CDH2: variants seen among roughly 807,000 people sequenced by gnomAD.
CDH2 encodes cadherin 2.
Under a neutral mutation model 92.0 loss-of-function variants are expected in CDH2, and 17 were observed. The ratio of observed to expected loss-of-function variants is 0.18; its 90% CI spans 0.13 to 0.28. The LOEUF (loss-of-function observed/expected upper bound fraction) is 0.28. Ranked by LOEUF, CDH2 falls within the 10% of genes least tolerant of loss-of-function variation. CDH2 has a pLI of 1.00. For synonymous variants in CDH2, 419 were observed against 415.9 expected, an observed-to-expected ratio of 1.01 and a Z score of -0.09; for missense variants, 862 against 1,133.1, an observed-to-expected ratio of 0.76 and a Z score of 3.44.
chr18:28,009,696 A>T (rs562953344), intron 5 of CDH2, 21 bp downstream of exon 5: 4 of 1,611,548 alleles, frequency 2.5e-6, no homozygotes, highest in East Asian at 2.2e-5. Flanking sequence ...ACACAGAATT[A>T]TCAGCTGGTT....
At chr18:28,115,479 G>A (rs2015481734) in intron 2 of CDH2, among the ~76,000 whole-genome samples, 1 of 152,058 alleles carries the variant, frequency 6.6e-6, no homozygotes, top group African/African-American at 2.4e-5. Context: ...ATCAAACATG[G>A]GCCAGGGCAA....
chr18:28,011,963 G>T lies in CDH2; in HGVS notation c.429C>A (p.Phe143Leu), dbSNP rs1036764661. 6.2e-7 allele frequency: 1 copy of T among 1,613,764 alleles called. No individual in the cohort carries two copies. The highest frequency in any genetic ancestry group is 8.5e-7 in the Non-Finnish European group (1 of 1,179,806). Residue 143 changes from phenylalanine (F) to leucine (L), a missense_variant, in exon 4 of 16, where the codon TTC becomes TTA. Around this residue, in one of 5 missense-constraint regions of CDH2, gnomAD observed 159 missense variants for 177.2 expected, o/e 0.90. Transcript: ENST00000269141. ...CACTGTGCTTACTGAATTGTCTTGG[G>T]AACACTATTTCTTCAACTTCTGCTG... ...KESAEVEEIVFPRQFSKHSGH... is the reference protein window; with the variant it reads ...KESAEVEEIVLPRQFSKHSGH...
intron 1 of CDH2, among the ~76,000 whole-genome samples, chr18:28,169,153 C>T (rs980970858): frequency 6.6e-6 from 1 of 152,126 alleles, no homozygotes; most frequent in African/African-American, 2.4e-5. Flanking sequence ...TTGAAAAACT[C>T]TTTAAAGAGG....
intron 11 of CDH2, among the ~76,000 whole-genome samples, chr18:27,986,001 A>G (rs991689449): frequency 2.0e-5 from 3 of 152,090 alleles, no homozygotes; most frequent in Admixed American, 2.0e-4. Context: ...GTGACGAAGA[A>G]TGCCCCTGTG....
At chr18:28,037,605 A>C (rs1364979227) in intron 2 of CDH2, among the ~76,000 whole-genome samples, 1 of 152,196 alleles carries the variant, frequency 6.6e-6, no homozygotes, top group Non-Finnish European at 1.5e-5. Flanking sequence ...CCAGAGCAGA[A>C]GAAAGGAGGC....
chr18:28,166,281 A>T (rs2016384200), intron 1 of CDH2, among the ~76,000 whole-genome samples: 2 of 151,226 alleles, frequency 1.3e-5, no homozygotes, highest in African/African-American at 4.9e-5. Flanking sequence ...TGTCTTTCCA[A>T]ATGCTTTATT....
At chr18:28,164,561 A>T (rs562268337) in intron 1 of CDH2, among the ~76,000 whole-genome samples, 6 of 152,234 alleles carry the variant, frequency 3.9e-5, no homozygotes, top group African/African-American at 1.4e-4. Context: ...ATATGGTACC[A>T]TTACACTCAA....
chr18:28,036,627 G>T, intron 2 of CDH2: 1 of 1,000,962 alleles, frequency 1.0e-6, no homozygotes, highest in Non-Finnish European at 1.5e-6. Context: ...TGAAAGCAGG[G>T]ATAAAGTTCT....
chr18:28,078,158 A>G (rs369562207), intron 2 of CDH2, among the ~76,000 whole-genome samples: 2 of 152,092 alleles, frequency 1.3e-5, no homozygotes, highest in African/African-American at 4.8e-5. Context: ...ATGAAAATGA[A>G]GTTCAAAGTT....
At chr18:28,053,149 A>C (rs1465108195) in intron 2 of CDH2, among the ~76,000 whole-genome samples, 2 of 152,134 alleles carry the variant, frequency 1.3e-5, no homozygotes, top group African/African-American at 4.8e-5. Context: ...ACTATGAGAA[A>C]TAAATTTCTG....
intron 1 of CDH2, among the ~76,000 whole-genome samples, chr18:28,158,270 C>G (rs1191235660): frequency 5.3e-5 from 8 of 152,234 alleles, no homozygotes; most frequent in African/African-American, 1.9e-4. Context: ...CGCCAGAGTT[C>G]AAAGCCTTTC....
chr18:27,934,728 T>G (rs1448409571), intron 6 of CDH2, among the ~76,000 whole-genome samples: 1 of 152,068 alleles, frequency 6.6e-6, no homozygotes. Flanking sequence ...ACTAATCAAT[T>G]AACTAATTTG....
In CDH2 at chr18:28,125,826, T is replaced by C. The variant is rs534319950; in HGVS notation, c.172+21847A>G. On this transcript the variant is annotated intron_variant, in intron 2 of 15. Transcript: ENST00000269141. ...GTTTCATTTACAATCCAGAGATCAG[T>C]ACTCCTGATTACAAAATGCGTTAAG... 4.0e-5 allele frequency among the ~76,000 whole-genome samples: 6 copies of C among 150,436 alleles called. No homozygotes were observed. In the East Asian group the frequency reaches 7.7e-4, roughly 19 times the overall value.
rs201850079 is a variant in CDH2 at position 27,988,587 on chromosome 18, C to T, written c.1678G>A (p.Asp560Asn). 2 of 1,611,298 alleles carry T rather than the reference C, an allele frequency of 1.2e-6. No individual in the cohort carries two copies. Among genetic ancestry groups the T allele is most frequent in the Middle Eastern group, 1.6e-4 (1 of 6,074 alleles). ...NGQITTIAVL[D>N]RESPNVKNNI... ...TTTTTCACATTTGGTGATTCTCGGT[C>T]CAAAACAGCAATTGTAGTTATTTGT... is the stretch of plus-strand genomic sequence containing the variant. Residue 560 changes from aspartate (D) to asparagine (N), a missense_variant, in exon 11 of 16, where the codon GAC (aspartate) becomes AAC (asparagine). Transcript: ENST00000269141.
chr18:28,043,111 C>G (rs1380708612), intron 2 of CDH2, among the ~76,000 whole-genome samples: 1 of 152,030 alleles, frequency 6.6e-6, no homozygotes, highest in Non-Finnish European at 1.5e-5. Context: ...TGGAATACTA[C>G]TCAGTCATAA....
chr18:28,020,283 T>A (rs1425698566), intron 2 of CDH2, among the ~76,000 whole-genome samples: 1 of 152,056 alleles, frequency 6.6e-6, no homozygotes, highest in Non-Finnish European at 1.5e-5. Flanking sequence ...GAATCTTAGG[T>A]ATACCAGTAA....
chr18:28,096,466 T>A (rs963147906), intron 2 of CDH2, among the ~76,000 whole-genome samples: 18 of 151,656 alleles, frequency 1.2e-4, no homozygotes, highest in Admixed American at 4.6e-4. Context: ...GAGAATACTA[T>A]TAATTAGTAA....
chr18:27,956,360 C>T (rs375079790), intron 15 of CDH2, among the ~76,000 whole-genome samples: 5 of 152,292 alleles, frequency 3.3e-5, no homozygotes, highest in African/African-American at 9.6e-5. Flanking sequence ...GAGAGCTTGG[C>T]TCTGGCTGAA....
At chr18:28,162,414 G>A (rs2016319362) in intron 1 of CDH2, among the ~76,000 whole-genome samples, 1 of 152,090 alleles carries the variant, frequency 6.6e-6, no homozygotes, top group African/African-American at 2.4e-5. Context: ...GTGAGGTCAG[G>A]AGAAAGAGAG....
Sources: gnomAD v4.1 joint callset for allele counts (sites outside exome capture counted in the v4.1 genomes callset) on GRCh38, gnomAD v4.1.1 for gene constraint, gnomAD v4.1.1 regional missense constraint, MANE v1.5 for transcripts, NCBI Gene and HGNC (gene_info 2026-07-23, HGNC 2026-07-21) for gene names.